Variants in RANBP17 observed in about 807,000 individuals in gnomAD.
RANBP17 encodes RAN binding protein 17.
In RANBP17, 158 loss-of-function variants were observed where a neutral mutation model predicts 141.2. The observed-to-expected ratio is 1.12, with a 90% CI of 0.98 to 1.28. The LOEUF (loss-of-function observed/expected upper bound fraction) is 1.28, where lower values mean the gene tolerates loss of function less well. RANBP17 is among the 50% of genes most tolerant of loss of function. RANBP17 has a pLI of 0.00. For synonymous variants in RANBP17, 430 were observed against 450.0 expected (o/e 0.96, Z 0.56); for missense variants, 1,438 against 1,290.7 (o/e 1.11, Z -1.75).
At chr5:170,894,687 T>C (rs1263667809) in intron 4 of RANBP17, among the ~76,000 whole-genome samples, 1 of 151,958 alleles carries the variant, frequency 6.6e-6, no homozygotes, top group Admixed American at 6.6e-5. Flanking sequence ...CTTTTTTCTA[T>C]TATTATGGCC....
intron 25 of RANBP17, among the ~76,000 whole-genome samples, chr5:171,269,599 G>A (rs1404641783): frequency 6.6e-6 from 1 of 152,184 alleles, no homozygotes; most frequent in Admixed American, 6.5e-5. Flanking sequence ...GCCCTGAAGA[G>A]GAGCAGAACC....
At chr5:170,880,398 A>G (rs890476236) in intron 2 of RANBP17, among the ~76,000 whole-genome samples, 2 of 152,192 alleles carry the variant, frequency 1.3e-5, no homozygotes, top group Non-Finnish European at 1.5e-5. Flanking sequence ...AGAAACTAGT[A>G]ATCTTATTTT....
At chr5:171,074,010 A>G (rs1784773801) in intron 14 of RANBP17, among the ~76,000 whole-genome samples, 2 of 152,114 alleles carry the variant, frequency 1.3e-5, no homozygotes, top group Non-Finnish European at 2.9e-5. Flanking sequence ...TATAAATACT[A>G]TCCCCTTCTG....
chr5:171,111,168 G>GT (rs35298249), intron 14 of RANBP17, among the ~76,000 whole-genome samples: 1 of 152,060 alleles, frequency 6.6e-6, no homozygotes, highest in Non-Finnish European at 1.5e-5. Flanking sequence ...TGTATCTGCT[G>GT]TTTTTTCAGT....
chr5:171,029,698 G>A lies in RANBP17; in HGVS notation c.1710+61321G>A, dbSNP rs530011724. Among the ~76,000 whole-genome samples, 9 of 152,154 alleles carry A rather than the reference G, an allele frequency of 5.9e-5. No homozygotes were observed. In the East Asian group the frequency reaches 1.7e-3, roughly 30 times the overall value. ...TTGATGCTATCTTACAACTTGGGAA[G>A]TAAATTAGGTCTGTGGCTATGAGGC... On this transcript the variant is annotated intron_variant, in intron 14 of 27. Coordinates refer to ENST00000523189, the MANE Select transcript of RANBP17 (RefSeq NM_022897.5).
In RANBP17 at chr5:171,295,986, C is replaced by T. The variant is rs1768792520; in HGVS notation, c.3142C>T (p.Gln1048Ter). Reference protein sequence around the residue: ...CFRNLMEGVEQNLSVKNRDRF... With the variant: ...CFRNLMEGVE ...CAGAAACCTAATGGAAGGAGTGGAG[C>T]AGAACCTGTCCGTCAAGAACAGAGA... Residue 1048 changes from glutamine (Q) to a stop codon, truncating the protein, a stop_gained, in exon 27 of 28, where the codon CAG becomes TAG. Coordinates refer to ENST00000523189, the MANE Select transcript of RANBP17 (RefSeq NM_022897.5). LOFTEE classifies it high-confidence loss of function. 1.9e-6 allele frequency: 3 copies of T among 1,613,660 alleles called. No homozygotes were observed. Among genetic ancestry groups the T allele is most frequent in the African/African-American group, 2.7e-5 (2 of 74,902 alleles).
intron 14 of RANBP17, among the ~76,000 whole-genome samples, chr5:171,020,465 A>G (rs1780768856): frequency 6.6e-6 from 1 of 152,156 alleles, no homozygotes; most frequent in Admixed American, 6.6e-5. Context: ...TTGGATGCAT[A>G]TATGTTTAGA....
chr5:171,190,249 T>G (rs149579537), intron 18 of RANBP17, among the ~76,000 whole-genome samples: 1,611 of 152,318 alleles, frequency 0.011, 26 homozygotes, highest in African/African-American at 0.037. Context: ...TTCTACTCAG[T>G]GATTTGCACT....
At chr5:171,101,720 A>G (rs1787179989) in intron 14 of RANBP17, among the ~76,000 whole-genome samples, 1 of 152,188 alleles carries the variant, frequency 6.6e-6, no homozygotes, top group Admixed American at 6.5e-5. Context: ...TTGTTTTTGC[A>G]GTGGCTAGTA....
chr5:171,025,183 A>T (rs1315381654), intron 14 of RANBP17, among the ~76,000 whole-genome samples: 1 of 152,150 alleles, frequency 6.6e-6, no homozygotes, highest in Non-Finnish European at 1.5e-5. Context: ...CCTCTGTGGT[A>T]ACTTCCTGTT....
At chr5:171,141,401 C>T (rs926944687) in intron 14 of RANBP17, among the ~76,000 whole-genome samples, 3 of 150,582 alleles carry the variant, frequency 2.0e-5, no homozygotes, top group Non-Finnish European at 4.4e-5. Context: ...TCAAGACCAT[C>T]CTGGCTAGCA....
chr5:171,089,695 A>G (rs1398993200), intron 14 of RANBP17, among the ~76,000 whole-genome samples: 7 of 152,202 alleles, frequency 4.6e-5, no homozygotes, highest in Non-Finnish European at 7.4e-5. Context: ...GAAAAGCGCA[A>G]TATTCGGGTG....
rs184850405 is a variant in RANBP17, at chr5:170,865,960, A to G, written c.18+3909A>G. On this transcript the variant is annotated intron_variant, in intron 1 of 27. Coordinates refer to ENST00000523189, the MANE Select transcript of RANBP17 (RefSeq NM_022897.5). ...GTGCTCCCTGCATCAATATATGGCA[A>G]TATGCACTAATTATTGCAAACTGGG... is the stretch of plus-strand genomic sequence containing the variant. 5.6e-3 allele frequency among the ~76,000 whole-genome samples: 850 copies of G among 152,330 alleles called. 4 individuals are homozygous for G. The highest frequency in any genetic ancestry group is 0.01 in the Middle Eastern group (3 of 294).
At chr5:171,097,052 TTTC>T (rs1373826959) in intron 14 of RANBP17, among the ~76,000 whole-genome samples, 1 of 151,882 alleles carries the variant, frequency 6.6e-6, no homozygotes, top group African/African-American at 2.4e-5. Flanking sequence ...AAAGATTTTA[TTTC>T]TTCTTCAAGG....
At chr5:170,939,124 A>G (rs1251571351) in intron 12 of RANBP17, among the ~76,000 whole-genome samples, 1 of 152,130 alleles carries the variant, frequency 6.6e-6, no homozygotes, top group Non-Finnish European at 1.5e-5. Flanking sequence ...ATTATTCTCA[A>G]ATAACTGAGC....
At chr5:171,137,476 A>T (rs1396984712) in intron 14 of RANBP17, among the ~76,000 whole-genome samples, 1 of 152,032 alleles carries the variant, frequency 6.6e-6, no homozygotes, top group African/African-American at 2.4e-5. Context: ...TGTCATTGAA[A>T]GTATTGCCTC....
chr5:170,912,112 G>A (rs1345797503), intron 7 of RANBP17, among the ~76,000 whole-genome samples: 1 of 151,910 alleles, frequency 6.6e-6, no homozygotes, highest in Non-Finnish European at 1.5e-5. Context: ...TATTAATTTT[G>A]TGAAAAACTT....
intron 12 of RANBP17, among the ~76,000 whole-genome samples, chr5:170,930,915 G>A (rs1417127061): frequency 6.6e-6 from 1 of 152,090 alleles, no homozygotes; most frequent in East Asian, 1.9e-4. Context: ...TAATCATTTG[G>A]GTATATGCCC....
chr5:171,227,635 G>A (rs1459102970), intron 22 of RANBP17, among the ~76,000 whole-genome samples: 4 of 152,178 alleles, frequency 2.6e-5, no homozygotes, highest in East Asian at 1.9e-4. Context: ...CATTTTTCAC[G>A]GAGACAAAAT....
Sources: allele counts gnomAD v4.1 joint callset (sites outside exome capture counted in the v4.1 genomes callset), GRCh38; gene constraint gnomAD v4.1.1; transcripts MANE v1.5; gene names NCBI Gene and HGNC (gene_info 2026-07-23, HGNC 2026-07-21).